WWOX: variants seen among roughly 807,000 people sequenced by gnomAD.
WWOX encodes the protein WW domain-containing oxidoreductase.
In WWOX, 69 loss-of-function variants were observed where a neutral mutation model predicts 46.2. That is an observed-to-expected ratio of 1.49 (90% CI 1.23 to 1.82). The LOEUF is 1.82. Among genes scored for constraint, WWOX ranks in the 40% most tolerant of loss-of-function variants. The probability of loss-of-function intolerance (pLI) is 0.00; values close to 1 mark genes in which losing one functional copy is unlikely to be tolerated. For missense variants in WWOX, 919 were observed against 542.6 expected, an observed-to-expected ratio of 1.69 and a Z score of -6.89; for synonymous variants, 359 against 202.6, an observed-to-expected ratio of 1.77 and a Z score of -6.56.
chr16:78,717,040 T>C lies in WWOX; in HGVS notation c.1056+284288T>C, dbSNP rs190611339. On this transcript the variant is annotated intron_variant, in intron 8 of 8. Transcript: ENST00000566780. ...TGTCTGTGAGGACAACAGAAAGTAA[T>C]GTTTTCTCTGAAAAGTTTAAAAGGG... Among the ~76,000 whole-genome samples the C allele has an allele frequency of 3.8e-3, 578 of 152,292 alleles. 2 individuals carry two copies. The highest frequency in any genetic ancestry group is 0.013 in the African/African-American group (552 of 41,566).
At chr16:78,919,631 C>A (rs925557787) in intron 8 of WWOX, among the ~76,000 whole-genome samples, 3 of 151,222 alleles carry the variant, frequency 2.0e-5, no homozygotes, top group Non-Finnish European at 4.4e-5. Context: ...GATTCTCCTG[C>A]CTCATGCTCC....
intron 8 of WWOX, among the ~76,000 whole-genome samples, chr16:78,796,164 G>A (rs994306333): frequency 6.6e-6 from 1 of 152,142 alleles, no homozygotes; most frequent in African/African-American, 2.4e-5. Context: ...CCTTAATCAG[G>A]ATTGACTTAA....
rs76664800 is a variant in WWOX at position 78,721,637 on chromosome 16, C to G, written c.1056+288885C>G. 4.2e-3 allele frequency among the ~76,000 whole-genome samples: 632 copies of G among 152,230 alleles called. 5 individuals carry two copies. The highest frequency in any genetic ancestry group is 0.014 in the African/African-American group (567 of 41,550). On this transcript the variant is annotated intron_variant, in intron 8 of 8. Coordinates refer to ENST00000566780, the MANE Select transcript of WWOX (RefSeq NM_016373.4). ...AGGACATGTGCTTTGAAATTTGATT[C>G]CTCCGTCACTGGCTGTGTGACCTTA...
rs150165816 is a variant in WWOX, at chr16:78,457,382, T to C, written c.1056+24630T>C. ...AAAGTAATGACTAAGTACAGGTCTT[T>C]AGATAGAGAGCTGCACCAACCAGGT... On this transcript the variant is annotated intron_variant, in intron 8 of 8. Transcript: ENST00000566780. Among the ~76,000 whole-genome samples, 11 of 152,324 alleles carry C rather than the reference T, an allele frequency of 7.2e-5. No individual in the cohort carries two copies. In the East Asian group the frequency reaches 2.1e-3, roughly 29 times the overall value.
intron 8 of WWOX, chr16:79,202,519 T>TC (rs1209581268): frequency 5.3e-5 from 8 of 152,262 alleles, no homozygotes; most frequent in Non-Finnish European, 2.9e-5. Flanking sequence ...CCACTGTTGT[T>TC]CCCGGGCCTG....
At chr16:78,714,841 A>C (rs151233895) in intron 8 of WWOX, among the ~76,000 whole-genome samples, 44 of 152,322 alleles carry the variant, frequency 2.9e-4, no homozygotes, top group Middle Eastern at 3.4e-3. Context: ...TGCAGTGAGG[A>C]ACCAGTGAGT....
Position 78,931,197 on chromosome 16 carries a change from T to A in WWOX, c.1057-280411T>A, listed in dbSNP as rs2045616638. ...GCACATCCGTAGACAGTTACCACACTCAGGAATAGTGGAAAACTGACAAGA... is the reference window on the plus strand; with the variant it reads ...GCACATCCGTAGACAGTTACCACACACAGGAATAGTGGAAAACTGACAAGA... On this transcript the variant is annotated intron_variant, in intron 8 of 8. Coordinates refer to ENST00000566780, the MANE Select transcript of WWOX (RefSeq NM_016373.4). 2.0e-5 allele frequency among the ~76,000 whole-genome samples: 3 copies of A among 152,140 alleles called. No individual in the cohort carries two copies. In the South Asian group the frequency reaches 6.2e-4, roughly 32 times the overall value.
chr16:78,773,005 T>C (rs1210182023), intron 8 of WWOX, among the ~76,000 whole-genome samples: 1 of 152,122 alleles, frequency 6.6e-6, no homozygotes, highest in African/African-American at 2.4e-5. Flanking sequence ...AGCCTGGGCA[T>C]CAAGGTCTGT....
At chr16:79,159,214 T>A (rs1197299132) in intron 8 of WWOX, among the ~76,000 whole-genome samples, 2 of 152,218 alleles carry the variant, frequency 1.3e-5, no homozygotes, top group African/African-American at 2.4e-5. Flanking sequence ...TAGACTAATC[T>A]CAATTACCAG....
chr16:78,521,740 A>G (rs1377712116), intron 8 of WWOX, among the ~76,000 whole-genome samples: 1 of 152,088 alleles, frequency 6.6e-6, no homozygotes, highest in African/African-American at 2.4e-5. Context: ...AGTATCTCTC[A>G]AAATATTAGG....
chr16:79,043,623 C>T (rs919473929), intron 8 of WWOX, among the ~76,000 whole-genome samples: 4 of 152,106 alleles, frequency 2.6e-5, no homozygotes, highest in Non-Finnish European at 5.9e-5. Context: ...CACACAAACC[C>T]ACATTTTATT....
intron 8 of WWOX, among the ~76,000 whole-genome samples, chr16:79,014,817 T>G (rs747209534): frequency 3.9e-5 from 6 of 152,218 alleles, no homozygotes; most frequent in African/African-American, 1.4e-4. Flanking sequence ...TTTCCTACTT[T>G]TGTTCAACTT....
chr16:78,584,061 A>G (rs572153830), intron 8 of WWOX, among the ~76,000 whole-genome samples: 2 of 152,308 alleles, frequency 1.3e-5, no homozygotes, highest in African/African-American at 4.8e-5. Context: ...TTGTGATCAC[A>G]GTGTGTAATT....
chr16:78,207,429 C>G (rs555118016), intron 5 of WWOX, among the ~76,000 whole-genome samples: 2 of 151,804 alleles, frequency 1.3e-5, no homozygotes, highest in South Asian at 4.2e-4. Flanking sequence ...AGTAGTTTTT[C>G]TACCAACATT....
chr16:79,055,709 T>C (rs750905198), intron 8 of WWOX, among the ~76,000 whole-genome samples: 83 of 152,184 alleles, frequency 5.5e-4, no homozygotes, highest in Non-Finnish European at 9.3e-4. Flanking sequence ...GGCAATAAAT[T>C]ATGAATAGTG....
chr16:78,216,996 T>G (rs1339543628), intron 5 of WWOX, among the ~76,000 whole-genome samples: 2 of 152,184 alleles, frequency 1.3e-5, no homozygotes, highest in Non-Finnish European at 2.9e-5. Context: ...CTGCCGGGAT[T>G]ACAGGTGTGA....
intron 8 of WWOX, among the ~76,000 whole-genome samples, chr16:78,571,419 C>T (rs995780811): frequency 5.6e-4 from 85 of 152,252 alleles, no homozygotes; most frequent in African/African-American, 1.9e-3. Context: ...ATTCATTTGA[C>T]ACATTATGTT....
intron 8 of WWOX, among the ~76,000 whole-genome samples, chr16:78,590,176 T>C (rs200675684): frequency 3.0e-5 from 3 of 99,474 alleles, no homozygotes; most frequent in South Asian, 6.3e-4. Context: ...TTATTATAGA[T>C]AGAAATAAAA....
At chr16:78,936,507 A>T (rs1204967826) in intron 8 of WWOX, among the ~76,000 whole-genome samples, 2 of 152,154 alleles carry the variant, frequency 1.3e-5, no homozygotes, top group African/African-American at 2.4e-5. Flanking sequence ...AGCTGAGGCA[A>T]CCTATTAAAA....
Sources: gnomAD v4.1 joint callset for allele counts (sites outside exome capture counted in the v4.1 genomes callset) on GRCh38, gnomAD v4.1.1 for gene constraint, MANE v1.5 for transcripts, NCBI Gene and HGNC (gene_info 2026-07-23, HGNC 2026-07-21) for gene names.